LPAR3: variants seen among roughly 807,000 people sequenced by gnomAD.
The protein encoded by LPAR3 is lysophosphatidic acid receptor 3, also known as LPA receptor 3.
In LPAR3, 7 loss-of-function variants were observed where a neutral mutation model predicts 17.8. That is an observed-to-expected ratio of 0.39 (90% confidence interval 0.22 to 0.74). The LOEUF (loss-of-function observed/expected upper bound fraction) is 0.74, where lower values mean the gene tolerates loss of function less well. LPAR3 is among the 30% of genes least tolerant of loss of function. LPAR3 has a pLI of 0.40. For synonymous variants in LPAR3, 179 were observed against 179.9 expected (o/e 0.99, Z 0.04); for missense variants, 391 against 453.4 (o/e 0.86, Z 1.25).
intron 2 of LPAR3, among the ~76,000 whole-genome samples, chr1:84,859,133 CAA>C: frequency 6.6e-6 from 1 of 152,030 alleles, no homozygotes. Flanking sequence ...TCCATGAGAC[CAA>C]AGAGAACAGT....
intron 1 of LPAR3, among the ~76,000 whole-genome samples, chr1:84,887,346 C>T (rs1660480740): frequency 6.6e-6 from 1 of 151,222 alleles, no homozygotes; most frequent in South Asian, 2.1e-4. Flanking sequence ...CACTGCACTC[C>T]AGCATGGCAA....
At chr1:84,837,425 C>T (rs1173052352) in intron 2 of LPAR3, among the ~76,000 whole-genome samples, 1 of 152,096 alleles carries the variant, frequency 6.6e-6, no homozygotes, top group Admixed American at 6.6e-5. Context: ...GGTATGCTTC[C>T]CTGCAGGTTC....
chr1:84,828,298 G>A (rs113989097), intron 2 of LPAR3, among the ~76,000 whole-genome samples: 108 of 152,186 alleles, frequency 7.1e-4, no homozygotes, highest in African/African-American at 2.6e-3. Context: ...GAAAAAATTC[G>A]AATGGCAATC....
At chr1:84,823,519 T>C (rs974358623) in intron 2 of LPAR3, among the ~76,000 whole-genome samples, 22 of 152,194 alleles carry the variant, frequency 1.4e-4, no homozygotes, top group African/African-American at 5.3e-4. Flanking sequence ...GTTGGGTATT[T>C]TGACTCTAAC....
At chr1:84,861,406 C>T (rs1375194811) in intron 2 of LPAR3, among the ~76,000 whole-genome samples, 1 of 152,192 alleles carries the variant, frequency 6.6e-6, no homozygotes, top group Non-Finnish European at 1.5e-5. Flanking sequence ...CATATTCTCT[C>T]TCTCAATCTC....
chr1:84,834,640 C>T (rs938505147), intron 2 of LPAR3, among the ~76,000 whole-genome samples: 1 of 152,182 alleles, frequency 6.6e-6, no homozygotes, highest in African/African-American at 2.4e-5. Context: ...ATAACACATA[C>T]CCATGTAATT....
chr1:84,887,377 A>C (rs921824949), intron 1 of LPAR3, among the ~76,000 whole-genome samples: 2 of 138,718 alleles, frequency 1.4e-5, no homozygotes, highest in African/African-American at 5.8e-5. Flanking sequence ...CCTTGTCTTA[A>C]AAAAAAAAAA....
chr1:84,862,645 GT>G (rs1217027238), intron 2 of LPAR3, among the ~76,000 whole-genome samples: 3 of 152,202 alleles, frequency 2.0e-5, no homozygotes, highest in Non-Finnish European at 2.9e-5. Flanking sequence ...CACACTCTGT[GT>G]CTGCTGACCC....
chr1:84,863,061 CTT>C (rs75480062), intron 2 of LPAR3, among the ~76,000 whole-genome samples: 12 of 143,134 alleles, frequency 8.4e-5, no homozygotes, highest in Non-Finnish European at 1.1e-4. Context: ...TCTCTCCTCC[CTT>C]TTTTTTTTTT....
chr1:84,826,944 C>T (rs535439317), intron 2 of LPAR3, among the ~76,000 whole-genome samples: 32 of 152,252 alleles, frequency 2.1e-4, no homozygotes, highest in African/African-American at 3.4e-4. Context: ...TAGATTTCTA[C>T]GGCAAGAAAC....
intron 1 of LPAR3, among the ~76,000 whole-genome samples, chr1:84,886,820 G>T (rs12726113): frequency 6.6e-6 from 1 of 152,160 alleles, no homozygotes; most frequent in Non-Finnish European, 1.5e-5. Context: ...GGTGGAGCCA[G>T]AAAATAAAGA....
chr1:84,832,956 G>T (rs1033819992), intron 2 of LPAR3, among the ~76,000 whole-genome samples: 1 of 152,196 alleles, frequency 6.6e-6, no homozygotes, highest in East Asian at 1.9e-4. Context: ...AAGTCAAAAT[G>T]TGTAAACAAA....
chr1:84,846,516 T>C (rs1329895590), intron 2 of LPAR3, among the ~76,000 whole-genome samples: 3 of 152,198 alleles, frequency 2.0e-5, no homozygotes, highest in Non-Finnish European at 4.4e-5. Context: ...CTTTTCTTTA[T>C]GACTTTCCAC....
At chr1:84,872,300 A>G (rs892382326) in intron 1 of LPAR3, among the ~76,000 whole-genome samples, 1 of 152,134 alleles carries the variant, frequency 6.6e-6, no homozygotes, top group African/African-American at 2.4e-5. Context: ...TGGGTCTCAC[A>G]ACCCATTTAT....
At chr1:84,862,665 T>C (rs191797459) in intron 2 of LPAR3, among the ~76,000 whole-genome samples, 1 of 152,356 alleles carries the variant, frequency 6.6e-6, no homozygotes, top group East Asian at 1.9e-4. Flanking sequence ...CCCCAAATCT[T>C]ACTAGCAGTT....
intron 2 of LPAR3, among the ~76,000 whole-genome samples, chr1:84,816,679 T>A (rs1245874686): frequency 6.6e-6 from 1 of 152,080 alleles, no homozygotes; most frequent in Non-Finnish European, 1.5e-5. Context: ...GCACCTGTAG[T>A]CCCAGCTGCT....
At chr1:84,869,955 C>T (rs1236473353) in intron 1 of LPAR3, among the ~76,000 whole-genome samples, 1 of 152,226 alleles carries the variant, frequency 6.6e-6, no homozygotes, top group African/African-American at 2.4e-5. Context: ...AAGGATGTAG[C>T]TTTCACCAAT....
At chr1:84,886,350 C>T (rs575516506) in intron 1 of LPAR3, among the ~76,000 whole-genome samples, 42 of 152,206 alleles carry the variant, frequency 2.8e-4, no homozygotes, top group African/African-American at 1.0e-3. Flanking sequence ...CACAGCAAGA[C>T]CCCTCCTCTA....
intron 2 of LPAR3, among the ~76,000 whole-genome samples, chr1:84,856,145 C>G (rs1406131381): frequency 6.6e-6 from 1 of 152,140 alleles, no homozygotes; most frequent in South Asian, 2.1e-4. Context: ...TCCCATAGGC[C>G]TCTGTAGCAA....
Sources: allele counts gnomAD v4.1 joint callset (sites outside exome capture counted in the v4.1 genomes callset), GRCh38; gene constraint gnomAD v4.1.1; transcripts MANE v1.5; gene names NCBI Gene and HGNC (gene_info 2026-07-23, HGNC 2026-07-21).